A1CF: variants seen among roughly 807,000 people sequenced by gnomAD.
A1CF encodes the protein APOBEC1 complementation factor, also known as APOBEC-1 stimulating protein.
A1CF carries 48 observed loss-of-function variants against 68.9 expected under a neutral mutation model. The observed-to-expected ratio is 0.70, with a 90% CI of 0.55 to 0.89. The LOEUF (loss-of-function observed/expected upper bound fraction) is 0.89. Among genes scored for constraint, A1CF ranks in the 40% least tolerant of loss-of-function variants. The probability of loss-of-function intolerance (pLI) is 0.00; values close to 1 mark genes in which losing one functional copy is unlikely to be tolerated. For missense variants in A1CF, 653 were observed against 718.9 expected (o/e 0.91, Z 1.05); for synonymous variants, 272 against 260.4 (o/e 1.04, Z -0.43).
At chr10:50,857,187 C>T (rs2132516183) in intron 3 of A1CF, among the ~76,000 whole-genome samples, 1 of 152,136 alleles carries the variant, frequency 6.6e-6, no homozygotes, top group East Asian at 1.9e-4. Flanking sequence ...AAAATTGGTG[C>T]ATAATAATTG....
chr10:50,857,356 A>G (rs1364374971), intron 3 of A1CF, among the ~76,000 whole-genome samples: 1 of 152,152 alleles, frequency 6.6e-6, no homozygotes, highest in Admixed American at 6.6e-5. Context: ...GTAATAAATT[A>G]TCATTAACTC....
At chr10:50,821,769 T>A (rs373817058) in intron 7 of A1CF, among the ~76,000 whole-genome samples, 2 of 152,152 alleles carry the variant, frequency 1.3e-5, no homozygotes, top group Admixed American at 1.3e-4. Context: ...ACTCCCGACC[T>A]CAGGTGATCT....
At chr10:50,866,496 G>A (rs901763064) in intron 1 of A1CF, among the ~76,000 whole-genome samples, 5 of 152,170 alleles carry the variant, frequency 3.3e-5, no homozygotes, top group Non-Finnish European at 5.9e-5. Flanking sequence ...TGCAGTTCCC[G>A]ACCCTGTTGG....
intron 2 of A1CF, among the ~76,000 whole-genome samples, chr10:50,860,202 T>A (rs1840680077): frequency 1.3e-5 from 2 of 151,312 alleles, no homozygotes; most frequent in African/African-American, 4.9e-5. Flanking sequence ...CAAAAAAAAA[T>A]GAACAATACC....
At chr10:50,866,990 C>T (rs1841022047) in intron 1 of A1CF, among the ~76,000 whole-genome samples, 2 of 149,704 alleles carry the variant, frequency 1.3e-5, no homozygotes, top group Non-Finnish European at 3.0e-5. Context: ...GCTGGGATTA[C>T]AGGCGTGATC....
chr10:50,818,295 A>G (rs1838467019), intron 8 of A1CF, among the ~76,000 whole-genome samples: 1 of 152,144 alleles, frequency 6.6e-6, no homozygotes, highest in Admixed American at 6.6e-5. Context: ...AAAAATTTCA[A>G]GATCTCACTT....
chr10:50,859,851 G>A lies in A1CF; in HGVS notation c.90C>T (p.Ser30=), dbSNP rs560924348. The A allele has an allele frequency of 6.2e-7, 1 of 1,613,796 alleles. No homozygotes were observed. The highest frequency in any genetic ancestry group is 2.2e-5 in the East Asian group (1 of 44,856). ...LRALVQRTGY[S]LVQENGQRKY... ...TTTCACAAGTTCCTACCTGGACCAAGCTATATCCTGTGCGCTGGACCAGTG... is the reference window on the plus strand; with the variant it reads ...TTTCACAAGTTCCTACCTGGACCAAACTATATCCTGTGCGCTGGACCAGTG... The change falls in exon 3 of 13, where the codon AGC becomes AGT. Residue 30 remains serine, a synonymous_variant. Transcript: ENST00000373997.
intron 7 of A1CF, chr10:50,822,947 C>G (rs1204516921): frequency 6.6e-6 from 1 of 152,158 alleles, no homozygotes; most frequent in Non-Finnish European, 1.5e-5. Context: ...ATCATCTTCA[C>G]CTGGTTCCTG....
At chr10:50,867,245 T>C (rs948887532) in intron 1 of A1CF, among the ~76,000 whole-genome samples, 12 of 152,038 alleles carry the variant, frequency 7.9e-5, no homozygotes, top group Admixed American at 3.3e-4. Context: ...GCAATATTCA[T>C]AATGGCAAAG....
chr10:50,851,601 A>G (rs555021168), intron 3 of A1CF, among the ~76,000 whole-genome samples: 18 of 151,580 alleles, frequency 1.2e-4, no homozygotes, highest in Admixed American at 3.3e-4. Flanking sequence ...CAACTTCTAC[A>G]TAGACACTGT....
chr10:50,828,363 C>A, intron 6 of A1CF, 68 bp from the exon 7 acceptor site: 1 of 1,298,590 alleles, frequency 7.7e-7, no homozygotes, highest in African/African-American at 1.5e-5. Flanking sequence ...CAATTTATAC[C>A]AATGGTCTTT....
rs201520081 is a variant in A1CF, at chr10:50,820,552, C to T, written c.867G>A (p.Lys289=). 1.2e-6 allele frequency: 2 copies of T among 1,612,424 alleles called. No homozygotes were observed. The highest frequency in any genetic ancestry group is 1.7e-6 in the Non-Finnish European group (2 of 1,179,320). ...AVEAMKALNG[K]VLDGSPIEVT... ...TATTTTTTTCTTTCTTCTACCTTAC[C>T]TTGCCATTTAAAGCTTTCATAGCCT... The change falls in exon 8 of 13, where the codon AAG becomes AAA. Residue 289 remains lysine, a splice_region_variant and synonymous_variant. Transcript: ENST00000373997.
At chr10:50,860,154 A>G (rs1157848677) in intron 2 of A1CF, among the ~76,000 whole-genome samples, 169 bp from the exon 3 acceptor site, 2 of 152,144 alleles carry the variant, frequency 1.3e-5, no homozygotes, top group Admixed American at 6.5e-5. Flanking sequence ...TTAAAAAAAA[A>G]CTTTTAAAAA....
intron 12 of A1CF, 21 bp from the exon 13 acceptor site, chr10:50,806,901 A>G: frequency 1.3e-6 from 2 of 1,592,166 alleles, no homozygotes; most frequent in Non-Finnish European, 1.7e-6. Context: ...AGGCAGAGAA[A>G]ACTTGATGAA....
intron 5 of A1CF, among the ~76,000 whole-genome samples, chr10:50,840,883 A>C (rs1295637082): frequency 4.6e-5 from 7 of 152,202 alleles, no homozygotes; most frequent in Non-Finnish European, 8.8e-5. Flanking sequence ...TACTCGGACC[A>C]AAATCCTAGG....
chr10:50,870,661 T>A (rs940775546), intron 1 of A1CF, among the ~76,000 whole-genome samples: 10 of 151,840 alleles, frequency 6.6e-5, no homozygotes, highest in African/African-American at 2.2e-4. Context: ...TAACACCAGA[T>A]CCAGATGGTT....
chr10:50,831,034 T>G (rs1351238319), intron 6 of A1CF, among the ~76,000 whole-genome samples: 2 of 152,150 alleles, frequency 1.3e-5, no homozygotes, highest in African/African-American at 4.8e-5. Context: ...CAACAAATGG[T>G]GTAAGGAAAA....
At chr10:50,813,149 T>C (rs1404090514) in intron 10 of A1CF, among the ~76,000 whole-genome samples, 1 of 152,196 alleles carries the variant, frequency 6.6e-6, no homozygotes, top group Non-Finnish European at 1.5e-5. Flanking sequence ...CCTATCACAC[T>C]CCCACAGGGA....
At chr10:50,823,955 T>C (rs1838795356) in intron 7 of A1CF, 1 of 152,172 alleles carries the variant, frequency 6.6e-6, no homozygotes, top group Non-Finnish European at 1.5e-5. Flanking sequence ...TCTAGATAAG[T>C]ATAGCCTTGG....
Sources: gnomAD v4.1 joint callset for allele counts (sites outside exome capture counted in the v4.1 genomes callset) on GRCh38, gnomAD v4.1.1 for gene constraint, MANE v1.5 for transcripts, NCBI Gene and HGNC (gene_info 2026-07-23, HGNC 2026-07-21) for gene names.